The following YIPF4 variants were observed in gnomAD, a reference collection of about 807,000 sequenced individuals.
The protein encoded by YIPF4 is protein YIPF4.
A neutral mutation model predicts 29.4 loss-of-function variants in YIPF4; 18 were observed. The ratio of observed to expected loss-of-function variants is 0.61; its 90% CI spans 0.42 to 0.91. The LOEUF (loss-of-function observed/expected upper bound fraction) is 0.91, where lower values mean the gene tolerates loss of function less well. Ranked by LOEUF, YIPF4 falls within the 40% of genes least tolerant of loss-of-function variation. The pLI, the probability that YIPF4 is intolerant of heterozygous loss-of-function variation, is 0.00. For missense variants in YIPF4, 279 were observed against 282.7 expected (o/e 0.99, Z 0.09); for synonymous variants, 115 against 104.7 (o/e 1.10, Z -0.60).
At chr2:32,288,946 A>G (rs1270040849) in intron 1 of YIPF4, among the ~76,000 whole-genome samples, 1 of 152,204 alleles carries the variant, frequency 6.6e-6, no homozygotes, top group Non-Finnish European at 1.5e-5. Flanking sequence ...CAGCCTGACA[A>G]CAGAGTGAGG....
At chr2:32,280,676 C>G (rs2030367695) in intron 1 of YIPF4, among the ~76,000 whole-genome samples, 1 of 152,120 alleles carries the variant, frequency 6.6e-6, no homozygotes, top group African/African-American at 2.4e-5. Flanking sequence ...GCCACCGCGC[C>G]CGGCCTAATT....
intron 1 of YIPF4, among the ~76,000 whole-genome samples, chr2:32,288,933 C>T (rs1213266295): frequency 2.0e-5 from 3 of 152,186 alleles, no homozygotes; most frequent in Non-Finnish European, 2.9e-5. Context: ...CACCACTGCA[C>T]TCCAGCCTGA....
Position 32,314,801 on chromosome 2 carries a change from AATTTAAGTC to A in YIPF4, c.*9181_*9189del, listed in dbSNP as rs1422844473. The A allele has an allele frequency of 6.6e-6, 1 of 152,214 alleles. No homozygotes were observed. The highest frequency in any genetic ancestry group is 1.9e-4 in the East Asian group (1 of 5,206). The allele number at this position is 152,214 out of a possible 1,614,324, so 9.4% of individuals were successfully genotyped here. ...GGCTGTTATTATATTAGCTATTAAAAATTTAAGTCATTTAGGTCAATGAAACAGGAGGGT... is the reference window on the plus strand; with the variant it reads ...GGCTGTTATTATATTAGCTATTAAAAATTTAGGTCAATGAAACAGGAGGGT... On this transcript the variant is annotated 3_prime_UTR_variant, in exon 6 of 6. Coordinates refer to ENST00000238831, the MANE Select transcript of YIPF4 (RefSeq NM_032312.4).
chr2:32,299,557 C>T (rs4952259), intron 4 of YIPF4, among the ~76,000 whole-genome samples: 9,778 of 152,302 alleles, frequency 0.064, 456 homozygotes, highest in Admixed American at 0.14. Context: ...CGCCGTGGCT[C>T]ATACCTGTAG....
intron 3 of YIPF4, 58 bp downstream of exon 3, chr2:32,292,406 TATA>T (rs2030956910): frequency 5.7e-6 from 7 of 1,231,884 alleles, no homozygotes; most frequent in East Asian, 2.8e-5. Flanking sequence ...AAAAATTAAA[TATA>T]ATAAGATATT....
intron 1 of YIPF4, among the ~76,000 whole-genome samples, chr2:32,288,730 A>T (rs954686280): frequency 2.0e-5 from 3 of 152,200 alleles, no homozygotes; most frequent in Non-Finnish European, 4.4e-5. Flanking sequence ...GAATTACTTG[A>T]ACCCAGGAGG....
chr2:32,286,771 C>G (rs761162074), intron 1 of YIPF4, among the ~76,000 whole-genome samples: 7 of 152,124 alleles, frequency 4.6e-5, no homozygotes, highest in Non-Finnish European at 7.3e-5. Flanking sequence ...GTCTCGATCT[C>G]TTGACCTCGT....
intron 3 of YIPF4, among the ~76,000 whole-genome samples, chr2:32,293,367 A>G (rs1301155770): frequency 2.0e-5 from 3 of 152,334 alleles, no homozygotes; most frequent in South Asian, 2.1e-4. Context: ...TTTAACCCTG[A>G]GTGGACACAG....
Position 32,306,667 on chromosome 2 carries a change from A to G in YIPF4, c.*1041A>G, listed in dbSNP as rs2031591767. The stretch of plus-strand genomic sequence containing the variant: ...ATGTACAGTTTTTGCTAAGGGAAAT[A>G]TTAAGAAATTTTTATCAGTGAAATA... On this transcript the variant is annotated 3_prime_UTR_variant, in exon 6 of 6. Coordinates refer to ENST00000238831, the MANE Select transcript of YIPF4 (RefSeq NM_032312.4). The G allele has an allele frequency of 2.2e-6, 2 of 915,716 alleles. No homozygotes were observed. The highest frequency in any genetic ancestry group is 2.6e-6 in the Non-Finnish European group (2 of 766,540). 56.7% of individuals were successfully genotyped at this position (915,716 alleles called of 1,614,324 possible). A position where few individuals can be genotyped will look rare whatever the true frequency, so the allele number is the denominator to read the frequency against.
chr2:32,290,680 T>G, intron 2 of YIPF4, 44 bp downstream of exon 2: 1 of 1,270,780 alleles, frequency 7.9e-7, no homozygotes, highest in Non-Finnish European at 1.0e-6. Context: ...TTTGAGCTAG[T>G]CTGTGGGATG....
At chr2:32,280,061 G>T (rs1457802227) in intron 1 of YIPF4, among the ~76,000 whole-genome samples, 3 of 150,286 alleles carry the variant, frequency 2.0e-5, no homozygotes, top group African/African-American at 7.3e-5. Context: ...TTTTCTGGGT[G>T]GCTTATTCTC....
At chr2:32,280,131 A>G (rs1558472108) in intron 1 of YIPF4, among the ~76,000 whole-genome samples, 1 of 146,998 alleles carries the variant, frequency 6.8e-6, no homozygotes, top group African/African-American at 2.6e-5. Context: ...ATATATATAT[A>G]TATATTTTTT....
At position 32,290,359 on chromosome 2, in the gene YIPF4, T is replaced by C. The variant is rs966450173; in HGVS notation, c.80-124T>C. 6.9e-6 allele frequency: 4 copies of C among 579,242 alleles called. No individual in the cohort carries two copies. In the African/African-American group the frequency reaches 7.7e-5, roughly 11 times the overall value. The allele number at this position is 579,242 out of a possible 1,614,324, so 35.9% of individuals were successfully genotyped here. On this transcript the variant is annotated intron_variant, in intron 1 of 5. Coordinates refer to ENST00000238831, the MANE Select transcript of YIPF4 (RefSeq NM_032312.4). ...TCAACTATAAAATTTGAAGATTATA[T>C]GCAATAGCAGATGTTCTTAGAGATC...
chr2:32,289,268 C>T (rs547923530), intron 1 of YIPF4, among the ~76,000 whole-genome samples: 37 of 152,302 alleles, frequency 2.4e-4, no homozygotes, highest in South Asian at 1.4e-3. Context: ...TTTGCTGTAT[C>T]AGTTAGTAGC....
At position 32,279,372 on chromosome 2, in the gene YIPF4, C is replaced by CT. The variant is rs2030274354; in HGVS notation, c.79+1139dup. ...AAATTATGTTTACAGAAATTTCAGT[C>CT]TGAGAAAGAACCTAGATTTTCCTTT... On this transcript the variant is annotated intron_variant, in intron 1 of 5. Coordinates refer to ENST00000238831, the MANE Select transcript of YIPF4 (RefSeq NM_032312.4). 2.8e-5 allele frequency among the ~76,000 whole-genome samples: 4 copies of CT among 144,994 alleles called. No homozygotes were observed. The South Asian group carries it at 8.9e-4, about 32-fold the overall frequency.
At chr2:32,290,737 G>T (rs957766515) in intron 2 of YIPF4, 101 bp downstream of exon 2, 7 of 797,596 alleles carry the variant, frequency 8.8e-6, no homozygotes, top group Non-Finnish European at 1.0e-5. Context: ...ACCTTTTTTG[G>T]TCAAAAGCTA....
In YIPF4 at chr2:32,312,149, A is replaced by G. The variant is rs1175615886; in HGVS notation, c.*6523A>G. The G allele has an allele frequency of 2.0e-5, 3 of 152,156 alleles. No homozygotes were observed. The East Asian group carries it at 5.8e-4, about 29-fold the overall frequency. 9.4% of individuals were successfully genotyped at this position (152,156 alleles called of 1,614,324 possible). A position where few individuals can be genotyped will look rare whatever the true frequency, so the allele number is the denominator to read the frequency against. Reference sequence around the variant, plus strand: ...GCCTAGGTACTAAATTCCTCATTCAATCTTTTTTTACCAAATGGTACTTAA... The same window carrying G: ...GCCTAGGTACTAAATTCCTCATTCAGTCTTTTTTTACCAAATGGTACTTAA... On this transcript the variant is annotated 3_prime_UTR_variant, in exon 6 of 6. Transcript: ENST00000238831.
Position 32,307,111 on chromosome 2 carries a change from G to A in YIPF4, c.*1485G>A. ...TGATTTTTTTAAAAACAGGTGAGAA[G>A]CACCAGAGGGACAGGACTTCTAGAA... On this transcript the variant is annotated 3_prime_UTR_variant, in exon 6 of 6. Coordinates refer to ENST00000238831, the MANE Select transcript of YIPF4 (RefSeq NM_032312.4). The A allele has an allele frequency of 7.7e-7, 1 of 1,297,938 alleles. No homozygotes were observed. The highest frequency in any genetic ancestry group is 1.3e-5 in the South Asian group (1 of 79,642). 80.4% of individuals were successfully genotyped at this position (1,297,938 alleles called of 1,614,324 possible). A position where few individuals can be genotyped will look rare whatever the true frequency, so the allele number is the denominator to read the frequency against.
chr2:32,292,436 A>G, intron 3 of YIPF4, 88 bp downstream of exon 3: 1 of 1,010,874 alleles, frequency 9.9e-7, no homozygotes, highest in Non-Finnish European at 1.3e-6. Flanking sequence ...AATATACCAT[A>G]TTATGTTTGA....
Sources: allele counts gnomAD v4.1 joint callset (sites outside exome capture counted in the v4.1 genomes callset), GRCh38; gene constraint gnomAD v4.1.1; transcripts MANE v1.5; gene names NCBI Gene and HGNC (gene_info 2026-07-23, HGNC 2026-07-21).